CSMD1: variants seen among roughly 807,000 people sequenced by gnomAD.
CSMD1 encodes the protein CUB and Sushi multiple domains 1.
In CSMD1, 213 loss-of-function variants were observed where a neutral mutation model predicts 417.5. The observed-to-expected ratio is 0.51, with a 90% CI of 0.46 to 0.57. The LOEUF (loss-of-function observed/expected upper bound fraction) is 0.57, where lower values mean the gene tolerates loss of function less well. Among genes scored for constraint, CSMD1 ranks in the 20% least tolerant of loss-of-function variants. The probability of loss-of-function intolerance (pLI) is 0.00; values close to 1 mark genes in which losing one functional copy is unlikely to be tolerated. For missense variants in CSMD1, 6,923 were observed against 4,529.7 expected, an observed-to-expected ratio of 1.53 and a Z score of -15.17; for synonymous variants, 2,862 against 1,736.8, an observed-to-expected ratio of 1.65 and a Z score of -16.11.
intron 3 of CSMD1, among the ~76,000 whole-genome samples, chr8:4,256,469 C>G (rs969423590): frequency 6.6e-6 from 1 of 152,062 alleles, no homozygotes; most frequent in East Asian, 1.9e-4. Context: ...ATGAATTAAC[C>G]GAGTACTGGT....
chr8:3,910,187 T>A (rs748629421), intron 5 of CSMD1, among the ~76,000 whole-genome samples: 4 of 152,112 alleles, frequency 2.6e-5, no homozygotes, highest in African/African-American at 9.7e-5. Flanking sequence ...ACAAGGAATT[T>A]TATAATGCAC....
At chr8:3,993,995 G>T (rs1015970223) in intron 5 of CSMD1, among the ~76,000 whole-genome samples, 3 of 152,186 alleles carry the variant, frequency 2.0e-5, no homozygotes, top group East Asian at 1.9e-4. Flanking sequence ...CAAACTGCAA[G>T]GGGATGGGCG....
At chr8:3,992,970 G>C (rs1283933583) in intron 5 of CSMD1, among the ~76,000 whole-genome samples, 3 of 152,216 alleles carry the variant, frequency 2.0e-5, no homozygotes, top group Admixed American at 6.5e-5. Context: ...AAGAAAGATG[G>C]AAACGGCCAC....
At position 3,284,179 on chromosome 8, in the gene CSMD1, A is replaced by C; in HGVS notation, c.4118T>G (p.Phe1373Cys). ...GATGGAGAAGCCAGACTTGCTGATG[A>C]AGAAGTCGCTGTCGAACTGCAGGGT... The part of the protein sequence containing the change: ...SLTLQFDSDF[F>C]ISKSGFSIQF... Residue 1373 changes from phenylalanine to cysteine, a missense_variant, in exon 26 of 70, where the codon TTC becomes TGC. Physicochemically the swap from Phe to Cys is radical, Grantham distance 205. Transcript: ENST00000635120. 6.3e-7 allele frequency: 1 copy of C among 1,588,710 alleles called. No homozygotes were observed. The highest frequency in any genetic ancestry group is 1.3e-5 in the African/African-American group (1 of 74,502).
At chr8:4,356,101 C>T (rs1254017851) in intron 3 of CSMD1, among the ~76,000 whole-genome samples, 1 of 152,190 alleles carries the variant, frequency 6.6e-6, no homozygotes, top group Non-Finnish European at 1.5e-5. Flanking sequence ...TTATCCCTCA[C>T]ACACCTCCTA....
chr8:3,303,486 T>C (rs900725412), intron 25 of CSMD1, among the ~76,000 whole-genome samples: 2 of 152,184 alleles, frequency 1.3e-5, no homozygotes, highest in African/African-American at 2.4e-5. Flanking sequence ...CTTTTTGATA[T>C]GCGTCCAATG....
At chr8:3,454,617 C>T (rs1815982581) in intron 12 of CSMD1, among the ~76,000 whole-genome samples, 1 of 152,256 alleles carries the variant, frequency 6.6e-6, no homozygotes, top group South Asian at 2.1e-4. Context: ...AACTTGTTTT[C>T]TTTAGGAATG....
intron 10 of CSMD1, among the ~76,000 whole-genome samples, chr8:3,556,776 G>T (rs1346115607): frequency 6.6e-6 from 1 of 152,094 alleles, no homozygotes; most frequent in African/African-American, 2.4e-5. Flanking sequence ...CTCAGCCTCT[G>T]ATCATAGAAA....
chr8:3,847,572 G>C (rs1261469993), intron 5 of CSMD1, among the ~76,000 whole-genome samples: 2 of 152,096 alleles, frequency 1.3e-5, no homozygotes, highest in East Asian at 1.9e-4. Context: ...GCTGCTTCTT[G>C]AGGCCCTGAG....
At chr8:3,564,500 C>G (rs1799610339) in intron 10 of CSMD1, among the ~76,000 whole-genome samples, 2 of 112,452 alleles carry the variant, frequency 1.8e-5, no homozygotes, top group African/African-American at 6.6e-5. Flanking sequence ...CTTAGAAATG[C>G]TGGCTCCACA....
intron 60 of CSMD1, 40 bp downstream of exon 60, chr8:2,963,182 G>C (rs766026035): frequency 2.5e-6 from 4 of 1,605,340 alleles, no homozygotes; most frequent in Admixed American, 1.7e-5. Flanking sequence ...CCCTGTTGCA[G>C]ACCTGCAGTG....
chr8:4,505,288 G>A (rs1164426778), intron 2 of CSMD1, among the ~76,000 whole-genome samples: 2 of 151,864 alleles, frequency 1.3e-5, no homozygotes, highest in African/African-American at 4.8e-5. Flanking sequence ...TTAGAACAGA[G>A]GAAAATCACC....
At chr8:4,292,356 C>T (rs1298185539) in intron 3 of CSMD1, among the ~76,000 whole-genome samples, 2 of 151,992 alleles carry the variant, frequency 1.3e-5, no homozygotes, top group African/African-American at 2.4e-5. Flanking sequence ...GGGTTCACGC[C>T]TTTCTCCTGC....
intron 2 of CSMD1, among the ~76,000 whole-genome samples, chr8:4,555,424 G>C (rs1585243619): frequency 6.6e-6 from 1 of 152,122 alleles, no homozygotes; most frequent in Non-Finnish European, 1.5e-5. Flanking sequence ...ATGGAGACCA[G>C]ATTTGGACAT....
chr8:3,648,738 G>T (rs901433531), intron 7 of CSMD1, among the ~76,000 whole-genome samples: 3 of 152,136 alleles, frequency 2.0e-5, no homozygotes, highest in African/African-American at 7.2e-5. Flanking sequence ...CATGGCTCAT[G>T]TCTGTGCACC....
At chr8:4,471,129 C>T (rs1484911079) in intron 2 of CSMD1, among the ~76,000 whole-genome samples, 3 of 152,080 alleles carry the variant, frequency 2.0e-5, no homozygotes, top group African/African-American at 7.2e-5. Flanking sequence ...TTAAAATTAT[C>T]CTTCAACAGA....
At chr8:3,878,613 T>A (rs1313587969) in intron 5 of CSMD1, among the ~76,000 whole-genome samples, 2 of 152,220 alleles carry the variant, frequency 1.3e-5, no homozygotes, top group Admixed American at 1.3e-4. Flanking sequence ...ATCTGTAAGA[T>A]CTATCTCTGT....
chr8:4,757,738 C>G (rs1181349983), intron 1 of CSMD1, among the ~76,000 whole-genome samples: 2 of 151,986 alleles, frequency 1.3e-5, no homozygotes, highest in Non-Finnish European at 2.9e-5. Flanking sequence ...GCAAGCAGAT[C>G]ACTTGAGGCC....
chr8:4,060,596 C>T (rs2740878), intron 3 of CSMD1, among the ~76,000 whole-genome samples: 79,677 of 151,978 alleles, frequency 0.52, 22,626 homozygotes, highest in Non-Finnish European at 0.65. Flanking sequence ...TTCTGGGTTT[C>T]GGAACTGTCC....
Sources: gnomAD v4.1 joint callset for allele counts (sites outside exome capture counted in the v4.1 genomes callset) on GRCh38, gnomAD v4.1.1 for gene constraint, MANE v1.5 for transcripts, NCBI Gene and HGNC (gene_info 2026-07-23, HGNC 2026-07-21) for gene names.